The following GCFC2 variants were observed in gnomAD, a reference collection of about 807,000 sequenced individuals.
GCFC2 encodes GC-rich sequence DNA-binding factor 2, also known as intron Large complex component GCFC2.
Under a neutral mutation model 99.4 loss-of-function variants are expected in GCFC2, and 102 were observed. That is an observed-to-expected ratio of 1.03 (90% CI 0.87 to 1.21). The LOEUF (loss-of-function observed/expected upper bound fraction) is 1.21. Among genes scored for constraint, GCFC2 ranks in the 50% most tolerant of loss-of-function variants. The probability of loss-of-function intolerance (pLI) is 0.00; values close to 1 mark genes in which losing one functional copy is unlikely to be tolerated. For missense variants in GCFC2, 973 were observed against 920.9 expected (o/e 1.06, Z -0.73); for synonymous variants, 338 against 316.8 (o/e 1.07, Z -0.71).
chr2:75,667,884 TATA>T (rs1367535847), intron 15 of GCFC2, among the ~76,000 whole-genome samples: 2 of 152,146 alleles, frequency 1.3e-5, no homozygotes, highest in African/African-American at 2.4e-5. Flanking sequence ...ATTTTTAATA[TATA>T]ATGCTTAAAA....
chr2:75,670,580 C>T lies in GCFC2; in HGVS notation c.1957-296G>A, dbSNP rs113066083. 555 of 228,380 alleles carry T rather than the reference C, an allele frequency of 2.4e-3. 5 individuals are homozygous for T. The highest frequency in any genetic ancestry group is 0.011 in the African/African-American group (494 of 44,920). The allele number at this position is 228,380 out of a possible 1,614,324, so 14.1% of individuals were successfully genotyped here. ...TTCCCAATCCATTTTCTCTCAAAGC[C>T]GGGGGCCATCAAGTATAAGACCACA... On this transcript the variant is annotated intron_variant, in intron 14 of 16. Coordinates refer to ENST00000321027, the MANE Select transcript of GCFC2 (RefSeq NM_003203.5).
Position 75,710,845 on chromosome 2 carries a change from C to T in GCFC2, c.11G>A (p.Arg4Lys). The change falls in exon 1 of 17, where the codon AGG becomes AAG. Residue 4 changes from arginine to lysine, a missense_variant. Physicochemically the swap from Arg to Lys is conservative, Grantham distance 26. Coordinates refer to ENST00000321027, the MANE Select transcript of GCFC2 (RefSeq NM_003203.5). Reference protein sequence around the residue: MAHRPKRTFRQRAA... With the variant: MAHKPKRTFRQRAA... ...GCGCTGCCGAAAAGTCCTTTTCGGCCTGTGAGCCATGGCCGAGGCCCGAGC... is the reference window on the plus strand; with the variant it reads ...GCGCTGCCGAAAAGTCCTTTTCGGCTTGTGAGCCATGGCCGAGGCCCGAGC... The T allele has an allele frequency of 6.4e-7, 1 of 1,572,110 alleles. No individual in the cohort carries two copies. Among genetic ancestry groups the T allele is most frequent in the South Asian group, 1.1e-5 (1 of 87,608 alleles).
chr2:75,688,133 T>C (rs1679901879), intron 10 of GCFC2, among the ~76,000 whole-genome samples, 156 bp from the exon 11 acceptor site: 1 of 152,248 alleles, frequency 6.6e-6, no homozygotes, highest in African/African-American at 2.4e-5. Flanking sequence ...CTAGGCAGGA[T>C]TGCAGGACAG....
chr2:75,705,005 T>C (rs1296662638), intron 2 of GCFC2, among the ~76,000 whole-genome samples: 1 of 152,250 alleles, frequency 6.6e-6, no homozygotes, highest in East Asian at 1.9e-4. Context: ...TTTGGTACAG[T>C]AGCCACTAGC....
At chr2:75,682,007 G>C (rs998574686) in intron 11 of GCFC2, among the ~76,000 whole-genome samples, 1 of 151,944 alleles carries the variant, frequency 6.6e-6, no homozygotes, top group African/African-American at 2.4e-5. Context: ...AGGGGTGGCT[G>C]TGGGCGCAGC....
chr2:75,675,758 A>C (rs2104251579), intron 12 of GCFC2, among the ~76,000 whole-genome samples: 2 of 123,766 alleles, frequency 1.6e-5, no homozygotes, highest in East Asian at 2.3e-4. Context: ...AAAAAAAAAA[A>C]CAAAAAAAAG....
chr2:75,701,343 G>A, intron 3 of GCFC2, 56 bp from the exon 4 acceptor site: 3 of 954,500 alleles, frequency 3.1e-6, no homozygotes, highest in Non-Finnish European at 5.1e-6. Flanking sequence ...TTTAATTGCA[G>A]CAAGCCAACA....
At chr2:75,688,942 G>T in intron 10 of GCFC2, 84 bp downstream of exon 10, 1 of 739,280 alleles carries the variant, frequency 1.4e-6, no homozygotes, top group Non-Finnish European at 2.3e-6. Flanking sequence ...CTAAGGGTAA[G>T]GTATTTAATG....
At chr2:75,690,836 A>T in intron 7 of GCFC2, 117 bp from the exon 8 acceptor site, 1 of 592,782 alleles carries the variant, frequency 1.7e-6, no homozygotes, top group Non-Finnish European at 3.0e-6. Context: ...AAATACATAA[A>T]TATGCTTAAA....
Position 75,680,288 on chromosome 2 carries a change from A to G in GCFC2, c.1717T>C (p.Leu573=), listed in dbSNP as rs1679516849. Residue 573 remains leucine, a synonymous_variant, in exon 12 of 17, where the codon TTG becomes CTG. Coordinates refer to ENST00000321027, the MANE Select transcript of GCFC2 (RefSeq NM_003203.5). ...AAACTTGTTGTCTGTGAGGTTGACA[A>G]AGGATCCCAAAGGAATTCTACAAAG... is the stretch of plus-strand genomic sequence containing the variant. ...TDFVEFLWDP[L]STSQTTSLIT... is the part of the protein sequence containing the mutation. 2 of 1,608,920 alleles carry G rather than the reference A, an allele frequency of 1.2e-6. No individual in the cohort carries two copies. Among genetic ancestry groups the G allele is most frequent in the South Asian group, 1.1e-5 (1 of 90,850 alleles).
chr2:75,687,790 A>G, intron 11 of GCFC2, 37 bp downstream of exon 11: 1 of 1,527,280 alleles, frequency 6.5e-7, no homozygotes, highest in Non-Finnish European at 8.9e-7. Flanking sequence ...ACTCTGTCAG[A>G]AAATAATTTA....
rs1463872397 is a variant in GCFC2, at chr2:75,702,877, T to C, written c.395-454A>G. On this transcript the variant is annotated intron_variant, in intron 2 of 16. Coordinates refer to ENST00000321027, the MANE Select transcript of GCFC2 (RefSeq NM_003203.5). ...AAGTAAGAGAGATACTACACTATGA[T>C]GTCCTCCTTCCTCCTTCCCTCCTAC... is the stretch of plus-strand genomic sequence containing the variant. Among the ~76,000 whole-genome samples the C allele has an allele frequency of 5.3e-5, 8 of 152,318 alleles. No homozygotes were observed. In the East Asian group the frequency reaches 1.2e-3, roughly 22 times the overall value.
intron 5 of GCFC2, 26 bp downstream of exon 5, chr2:75,696,174 T>C (rs762881154): frequency 3.6e-6 from 3 of 831,346 alleles, no homozygotes; most frequent in Non-Finnish European, 6.3e-6. Flanking sequence ...AGGACAAATG[T>C]AAATTTCAAA....
rs145217540 is a variant in GCFC2 at position 75,690,121 on chromosome 2, T to G, written c.1227-40A>C. The G allele has an allele frequency of 6.9e-5, 79 of 1,137,408 alleles. No homozygotes were observed. The East Asian group carries it at 1.8e-3, about 26-fold the overall frequency. 70.5% of individuals were successfully genotyped at this position (1,137,408 alleles called of 1,614,324 possible). ...AAACCAAAAATAAACAAAAAGTAAG[T>G]AGTTCTTGCTGAAAATAAATGCCTA... On this transcript the variant is annotated intron_variant, in intron 8 of 16. Coordinates refer to ENST00000321027, the MANE Select transcript of GCFC2 (RefSeq NM_003203.5).
chr2:75,700,809 T>G (rs1680551399), intron 4 of GCFC2, among the ~76,000 whole-genome samples: 1 of 151,664 alleles, frequency 6.6e-6, no homozygotes, highest in Non-Finnish European at 1.5e-5. Flanking sequence ...GGAAAAAGAG[T>G]CTTTGTGGTT....
At chr2:75,678,148 G>A (rs1349594924) in intron 12 of GCFC2, among the ~76,000 whole-genome samples, 16 of 152,016 alleles carry the variant, frequency 1.1e-4, no homozygotes, top group Admixed American at 1.0e-3. Flanking sequence ...CATTTCACAG[G>A]GTTATGAGGA....
At position 75,710,607 on chromosome 2, in the gene GCFC2, G is replaced by A; in HGVS notation, c.249C>T (p.Arg83=). 3 of 1,513,920 alleles carry A rather than the reference G, an allele frequency of 2.0e-6. No homozygotes were observed. Among genetic ancestry groups the A allele is most frequent in the Non-Finnish European group, 2.6e-6 (3 of 1,138,116 alleles). 93.8% of individuals were successfully genotyped at this position (1,513,920 alleles called of 1,614,324 possible). The change falls in exon 1 of 17, where the codon CGC becomes CGT. Residue 83 remains arginine, a synonymous_variant. Coordinates refer to ENST00000321027, the MANE Select transcript of GCFC2 (RefSeq NM_003203.5). ...SSRRATKAAP[R]ADEGSESRTL... is the part of the protein sequence containing the mutation. Reference sequence around the variant, plus strand: ...CCTGGACACCTGAGCCTTCGTCCGCGCGGGGAGCCGCTTTGGTGGCACGCC... The same window carrying A: ...CCTGGACACCTGAGCCTTCGTCCGCACGGGGAGCCGCTTTGGTGGCACGCC...
At chr2:75,683,090 A>G (rs1679648728) in intron 11 of GCFC2, among the ~76,000 whole-genome samples, 1 of 151,852 alleles carries the variant, frequency 6.6e-6, no homozygotes, top group Non-Finnish European at 1.5e-5. Context: ...GGAAATACAG[A>G]GAACACCACA....
Position 75,687,825 on chromosome 2 carries a change from A to T in GCFC2, c.1690+2T>A, listed in dbSNP as rs1351764143. 1 of 1,600,296 alleles carries T rather than the reference A, an allele frequency of 6.2e-7. No homozygotes were observed. The highest frequency in any genetic ancestry group is 1.1e-5 in the South Asian group (1 of 88,682). On this transcript the variant is annotated splice_donor_variant, in intron 11 of 16. Coordinates refer to ENST00000321027, the MANE Select transcript of GCFC2 (RefSeq NM_003203.5). LOFTEE classifies it high-confidence loss of function. ...AATTTTACCAAGGTTACGAAGCAGTACCTGTAAGTCGGGGAATAATTGTTT... is the reference window on the plus strand; with the variant it reads ...AATTTTACCAAGGTTACGAAGCAGTTCCTGTAAGTCGGGGAATAATTGTTT...
Sources: allele counts gnomAD v4.1 joint callset (sites outside exome capture counted in the v4.1 genomes callset), GRCh38; gene constraint gnomAD v4.1.1; transcripts MANE v1.5; gene names NCBI Gene and HGNC (gene_info 2026-07-23, HGNC 2026-07-21).